PTPRM: variants seen among roughly 807,000 people sequenced by gnomAD.
PTPRM encodes the protein receptor-type tyrosine-protein phosphatase mu.
PTPRM carries 47 observed loss-of-function variants against 186.7 expected under a neutral mutation model. The ratio of observed to expected loss-of-function variants is 0.25; its 90% CI spans 0.20 to 0.32. PTPRM has a LOEUF of 0.32. PTPRM is among the 10% of genes least tolerant of loss of function. The pLI is 1.00. For missense variants in PTPRM, 1,494 were observed against 1,865.0 expected (o/e 0.80, Z 3.66); for synonymous variants, 668 against 674.9 (o/e 0.99, Z 0.16).
intron 7 of PTPRM, among the ~76,000 whole-genome samples, chr18:8,040,565 G>T (rs564214309): frequency 1.3e-5 from 2 of 152,262 alleles, no homozygotes; most frequent in Admixed American, 1.3e-4. Flanking sequence ...GAAAAAGAAG[G>T]TTCAGTAAAA....
At chr18:7,955,445 C>A in intron 7 of PTPRM, 31 bp downstream of exon 7, 2 of 1,582,432 alleles carry the variant, frequency 1.3e-6, no homozygotes, top group Admixed American at 1.7e-5. Context: ...AATTAATTGT[C>A]ATTGTCTTTC....
chr18:8,067,830 G>A (rs2089200503), intron 7 of PTPRM, among the ~76,000 whole-genome samples: 1 of 152,108 alleles, frequency 6.6e-6, no homozygotes, highest in Non-Finnish European at 1.5e-5. Context: ...TGACCCTCTC[G>A]TCTATAGAAT....
At chr18:8,375,520 T>C (rs956902195) in intron 24 of PTPRM, among the ~76,000 whole-genome samples, 2 of 152,204 alleles carry the variant, frequency 1.3e-5, no homozygotes, top group Non-Finnish European at 2.9e-5. Context: ...GTGTCCTCAT[T>C]CATTCCTACT....
chr18:8,189,520 C>T (rs1426699069), intron 14 of PTPRM, among the ~76,000 whole-genome samples: 1 of 152,174 alleles, frequency 6.6e-6, no homozygotes, highest in African/African-American at 2.4e-5. Flanking sequence ...TTTGTTTTAT[C>T]CTCAGCCCAA....
chr18:8,263,201 C>T (rs1568625810), intron 19 of PTPRM, among the ~76,000 whole-genome samples: 4 of 151,974 alleles, frequency 2.6e-5, no homozygotes, highest in Admixed American at 6.6e-5. Flanking sequence ...CTCCATCTGC[C>T]GGGTTCAAGA....
rs371375413 is a variant in PTPRM, at chr18:7,671,419, A to G, written c.74-102730A>G. 2.0e-4 allele frequency among the ~76,000 whole-genome samples: 30 copies of G among 152,222 alleles called. 1 individual carries two copies. Among genetic ancestry groups the G allele is most frequent in the East Asian group, 1.7e-3 (9 of 5,180 alleles). On this transcript the variant is annotated intron_variant, in intron 1 of 32. Coordinates refer to ENST00000580170, the MANE Select transcript of PTPRM (RefSeq NM_001105244.2). ...TCTCCCCCTTTTCTTCCTTTTCACT[A>G]TATAGCTCTGGCTTCTGAGGGGTCA...
intron 3 of PTPRM, among the ~76,000 whole-genome samples, chr18:7,897,146 G>T (rs1395502801): frequency 6.6e-6 from 1 of 152,204 alleles, no homozygotes; most frequent in Non-Finnish European, 1.5e-5. Flanking sequence ...AAGTAGAACT[G>T]CTTCGTTCTG....
At chr18:7,588,385 A>G (rs2037035686) in intron 1 of PTPRM, among the ~76,000 whole-genome samples, 1 of 152,210 alleles carries the variant, frequency 6.6e-6, no homozygotes, top group Non-Finnish European at 1.5e-5. Flanking sequence ...AGAGGTAGAA[A>G]ATACTAACTT....
At chr18:7,713,455 C>A (rs1473766646) in intron 1 of PTPRM, among the ~76,000 whole-genome samples, 1 of 152,084 alleles carries the variant, frequency 6.6e-6, no homozygotes, top group Non-Finnish European at 1.5e-5. Flanking sequence ...GAAGAAACTG[C>A]ATCAACTAAC....
At chr18:7,574,914 C>T (rs1439206985) in intron 1 of PTPRM, among the ~76,000 whole-genome samples, 4 of 152,108 alleles carry the variant, frequency 2.6e-5, no homozygotes, top group Non-Finnish European at 5.9e-5. Context: ...CGCCTGTAGT[C>T]CCAGCTACTC....
At chr18:7,803,604 G>A (rs1364978036) in intron 2 of PTPRM, among the ~76,000 whole-genome samples, 1 of 152,204 alleles carries the variant, frequency 6.6e-6, no homozygotes, top group African/African-American at 2.4e-5. Context: ...AACAAAGTAT[G>A]TATGTAGAGC....
chr18:8,300,779 C>A (rs1185776494), intron 20 of PTPRM, among the ~76,000 whole-genome samples: 83 of 152,126 alleles, frequency 5.5e-4, no homozygotes, highest in Non-Finnish European at 1.0e-4. Flanking sequence ...ATTTTTGTAT[C>A]TTTCTAGGGA....
intron 20 of PTPRM, among the ~76,000 whole-genome samples, chr18:8,302,732 ACT>A (rs2095173106): frequency 6.6e-6 from 1 of 152,026 alleles, no homozygotes; most frequent in African/African-American, 2.4e-5. Flanking sequence ...TTTCCGACTT[ACT>A]GGAGGATGAA....
chr18:7,711,653 C>A (rs1203883979), intron 1 of PTPRM, among the ~76,000 whole-genome samples: 1 of 152,140 alleles, frequency 6.6e-6, no homozygotes, highest in African/African-American at 2.4e-5. Context: ...GGGGGAGTGG[C>A]ATCTGCCATT....
chr18:7,720,725 A>G (rs1252341756), intron 1 of PTPRM, among the ~76,000 whole-genome samples: 2 of 152,170 alleles, frequency 1.3e-5, no homozygotes, highest in African/African-American at 4.8e-5. Flanking sequence ...GGAGAATCAT[A>G]CAATATTTAT....
chr18:8,387,774 G>T (rs573116882), intron 31 of PTPRM, among the ~76,000 whole-genome samples: 1 of 152,118 alleles, frequency 6.6e-6, no homozygotes, highest in South Asian at 2.1e-4. Context: ...GTGCGCGCGC[G>T]TGCATGCTTT....
At chr18:8,346,107 G>A (rs2095503593) in intron 23 of PTPRM, among the ~76,000 whole-genome samples, 1 of 152,228 alleles carries the variant, frequency 6.6e-6, no homozygotes. Flanking sequence ...TGGGAGTGCA[G>A]GTGAGCTGGT....
At chr18:7,610,698 T>A (rs1207453747) in intron 1 of PTPRM, among the ~76,000 whole-genome samples, 1 of 152,250 alleles carries the variant, frequency 6.6e-6, no homozygotes, top group Non-Finnish European at 1.5e-5. Flanking sequence ...GTGGTGATGC[T>A]GGTGTAAACA....
intron 1 of PTPRM, among the ~76,000 whole-genome samples, chr18:7,759,211 C>T (rs1236288928): frequency 2.0e-5 from 3 of 152,194 alleles, no homozygotes; most frequent in Admixed American, 6.5e-5. Context: ...TGTTTATTCT[C>T]TATTCACAAC....
Sources: allele counts gnomAD v4.1 joint callset (sites outside exome capture counted in the v4.1 genomes callset), GRCh38; gene constraint gnomAD v4.1.1; transcripts MANE v1.5; gene names NCBI Gene and HGNC (gene_info 2026-07-23, HGNC 2026-07-21).